The following ZNF514 variants were observed in gnomAD, a reference collection of about 807,000 sequenced individuals.
ZNF514 encodes the protein zinc finger protein 514.
A neutral mutation model predicts 9.7 loss-of-function variants in ZNF514; 12 were observed. That is an observed-to-expected ratio of 1.24 (90% CI 0.79 to 2.01). The LOEUF is 2.01. Among genes scored for constraint, ZNF514 ranks in the 30% most tolerant of loss-of-function variants. The pLI, the probability that ZNF514 is intolerant of heterozygous loss-of-function variation, is 0.00. For missense variants in ZNF514, 467 were observed against 465.5 expected (o/e 1.00, Z -0.03); for synonymous variants, 158 against 163.7 (o/e 0.97, Z 0.27).
intron 2 of ZNF514, chr2:95,154,977 T>C (rs999199699): frequency 2.6e-5 from 4 of 152,198 alleles, no homozygotes; most frequent in Non-Finnish European, 5.9e-5. Context: ...GAAAAAAGTA[T>C]AGATTTCCCA....
chr2:95,147,001 G>A lies in ZNF514; in HGVS notation c.*2281C>T, dbSNP rs150159014. On this transcript the variant is annotated 3_prime_UTR_variant, in exon 5 of 5. Coordinates refer to ENST00000295208, the MANE Select transcript of ZNF514 (RefSeq NM_032788.3). ...CTCTTAGACCCAGCCTGTCTGCATGGGCCCACTTTGAGCTGGTTCCCTGAA... is the reference window on the plus strand; with the variant it reads ...CTCTTAGACCCAGCCTGTCTGCATGAGCCCACTTTGAGCTGGTTCCCTGAA... Among the ~76,000 whole-genome samples the A allele has an allele frequency of 6.6e-6, 1 of 152,000 alleles. No individual in the cohort carries two copies. Among genetic ancestry groups the A allele is most frequent in the Admixed American group, 6.6e-5 (1 of 15,262 alleles).
chr2:95,124,347 C>T, the ZNF514 span, among the ~76,000 whole-genome samples: 4 of 152,052 alleles, frequency 2.6e-5, no homozygotes, highest in Admixed American at 2.0e-4. Context: ...AGCATAATAC[C>T]CTTGACGTCT....
intron 2 of ZNF514, among the ~76,000 whole-genome samples, chr2:95,156,369 G>A (rs562322647): frequency 2.6e-5 from 4 of 152,264 alleles, no homozygotes; most frequent in African/African-American, 7.2e-5. Flanking sequence ...ATCTGCCAGC[G>A]GAACTGCCAG....
At chr2:95,158,612 G>A (rs963542945) in intron 1 of ZNF514, among the ~76,000 whole-genome samples, 2 of 152,318 alleles carry the variant, frequency 1.3e-5, no homozygotes, top group East Asian at 1.9e-4. Context: ...TGGCCCTATC[G>A]TCCTCTGATC....
the ZNF514 span, among the ~76,000 whole-genome samples, chr2:95,129,455 G>A: frequency 6.6e-6 from 1 of 152,072 alleles, no homozygotes; most frequent in Non-Finnish European, 1.5e-5. Context: ...CAAGGGATGT[G>A]GTGTCTCGCT....
At chr2:95,134,367 G>A in the ZNF514 span, among the ~76,000 whole-genome samples, 3 of 152,074 alleles carry the variant, frequency 2.0e-5, no homozygotes, top group Admixed American at 6.6e-5. Flanking sequence ...GGAAGGACTC[G>A]CTACCAATGC....
chr2:95,138,080 A>C, the ZNF514 span, among the ~76,000 whole-genome samples: 2 of 152,234 alleles, frequency 1.3e-5, no homozygotes, highest in African/African-American at 4.8e-5. Flanking sequence ...AGGTGTCAGC[A>C]CTATGCTTCC....
At chr2:95,130,303 G>C in the ZNF514 span, among the ~76,000 whole-genome samples, 1 of 152,218 alleles carries the variant, frequency 6.6e-6, no homozygotes, top group Admixed American at 6.5e-5. Flanking sequence ...GAGGCAGGGC[G>C]AGATCACAGG....
chr2:95,126,371 CAAAAAAAA>C, the ZNF514 span, among the ~76,000 whole-genome samples: 8 of 51,420 alleles, frequency 1.6e-4, no homozygotes, highest in Non-Finnish European at 3.0e-4. Context: ...AACTCCATCT[CAAAAAAAA>C]AAAAAAAAAA....
chr2:95,135,269 AAC>A, the ZNF514 span, among the ~76,000 whole-genome samples: 1 of 152,102 alleles, frequency 6.6e-6, no homozygotes, highest in Admixed American at 6.6e-5. Flanking sequence ...AATTTCTTTC[AAC>A]AGTGTCATGT....
At chr2:95,155,811 G>A (rs886071133) in intron 2 of ZNF514, 4 of 152,204 alleles carry the variant, frequency 2.6e-5, no homozygotes, top group African/African-American at 9.7e-5. Flanking sequence ...TGGGTTGTGA[G>A]CAGAAGCCAC....
intron 4 of ZNF514, 70 bp from the exon 5 acceptor site, chr2:95,150,337 A>G: frequency 1.4e-6 from 2 of 1,449,944 alleles, no homozygotes; most frequent in Non-Finnish European, 9.1e-7. Context: ...AAGAAAAGCA[A>G]GCTCCTATAA....
the ZNF514 span, among the ~76,000 whole-genome samples, chr2:95,132,144 CAAAAAAAAAAAAAAAA>C: frequency 6.0e-5 from 1 of 16,624 alleles, no homozygotes; most frequent in Non-Finnish European, 1.3e-4. Context: ...GACTCTGTCT[CAAAAAAAAAAAAAAAA>C]AAAAAAAAAA....
chr2:95,131,377 C>T, the ZNF514 span, among the ~76,000 whole-genome samples: 1 of 152,190 alleles, frequency 6.6e-6, no homozygotes, highest in African/African-American at 2.4e-5. Context: ...TCAAACAAAC[C>T]GGTACCTCCT....
intron 2 of ZNF514, chr2:95,155,058 C>T (rs1172392505): frequency 6.6e-6 from 1 of 152,170 alleles, no homozygotes; most frequent in Non-Finnish European, 1.5e-5. Flanking sequence ...TGGGTCAAAC[C>T]ACTGACACAT....
At chr2:95,142,540 T>C (rs751954564), downstream of ZNF514, among the ~76,000 whole-genome samples, 6 of 152,244 alleles carry the variant, frequency 3.9e-5, no homozygotes, top group Non-Finnish European at 7.3e-5. Flanking sequence ...CAACTCCCTT[T>C]TTTTCTGGAG....
chr2:95,150,272 T>TTTAA lies in ZNF514; in HGVS notation c.218-6_218-5insTTAA. On this transcript the variant is annotated splice_region_variant and splice_polypyrimidine_tract_variant and intron_variant, in intron 4 of 4. Transcript: ENST00000295208. Reference sequence around the variant, plus strand: ...ATTTAGACCTTCTCTTCCAGTCTGTTAAAAAAAAAAAAAAAAAAAGAAGAC... The same window carrying TTTAA: ...ATTTAGACCTTCTCTTCCAGTCTGTTTTAAAAAAAAAAAAAAAAAAAAAGAAGAC... 1 of 1,340,148 alleles carries TTTAA rather than the reference T, an allele frequency of 7.5e-7. No individual in the cohort carries two copies. The allele number at this position is 1,340,148 out of a possible 1,614,324, so 83.0% of individuals were successfully genotyped here. A position where few individuals can be genotyped will look rare whatever the true frequency, so the allele number is the denominator to read the frequency against.
Position 95,157,424 on chromosome 2 carries a change from T to C in ZNF514, c.-80A>G, listed in dbSNP as rs1237941696. ...GAATCTCTCTGGAGGAAGAGCAGGA[T>C]TCTGAGAAGGGGAAGCTGGGAAGGT... On this transcript the variant is annotated 5_prime_UTR_variant, in exon 2 of 5. Coordinates refer to ENST00000295208, the MANE Select transcript of ZNF514 (RefSeq NM_032788.3). 1 of 1,289,534 alleles carries C rather than the reference T, an allele frequency of 7.8e-7. No individual in the cohort carries two copies. The allele number at this position is 1,289,534 out of a possible 1,614,324, so 79.9% of individuals were successfully genotyped here.
the ZNF514 span, among the ~76,000 whole-genome samples, chr2:95,139,831 A>G: frequency 3.9e-5 from 6 of 152,292 alleles, no homozygotes; most frequent in African/African-American, 1.4e-4. Context: ...GTTGAAATGT[A>G]ATACCAATGT....
Sources: allele counts gnomAD v4.1 joint callset (sites outside exome capture counted in the v4.1 genomes callset), GRCh38; gene constraint gnomAD v4.1.1; transcripts MANE v1.5; gene names NCBI Gene and HGNC (gene_info 2026-07-23, HGNC 2026-07-21).